MIS18A: variants seen among roughly 807,000 people sequenced by gnomAD.
MIS18A encodes MIS18 kinetochore protein A.
A neutral mutation model predicts 25.0 loss-of-function variants in MIS18A; 14 were observed. That is an observed-to-expected ratio of 0.56 (90% CI 0.37 to 0.88). MIS18A has a LOEUF of 0.88. Ranked by LOEUF, MIS18A falls within the 40% of genes least tolerant of loss-of-function variation. MIS18A has a pLI of 0.00. For missense variants in MIS18A, 292 were observed against 290.8 expected, an observed-to-expected ratio of 1.00 and a Z score of -0.03; for synonymous variants, 134 against 118.6, an observed-to-expected ratio of 1.13 and a Z score of -0.84.
chr21:32,209,023 G>A, the MIS18A span, among the ~76,000 whole-genome samples: 13,946 of 152,226 alleles, frequency 0.092, 756 homozygotes, highest in South Asian at 0.19. Context: ...CAAAGTTCTC[G>A]CAGTAGCTCT....
At chr21:32,191,140 T>G in the MIS18A span, among the ~76,000 whole-genome samples, 1 of 152,230 alleles carries the variant, frequency 6.6e-6, no homozygotes, top group Non-Finnish European at 1.5e-5. Flanking sequence ...ATATAATAAG[T>G]GCTCAACAAA....
At chr21:32,182,179 G>A in the MIS18A span, among the ~76,000 whole-genome samples, 2 of 152,176 alleles carry the variant, frequency 1.3e-5, no homozygotes, top group Non-Finnish European at 2.9e-5. Context: ...ATTGATAGTG[G>A]TTGTCTGCTG....
the MIS18A span, among the ~76,000 whole-genome samples, chr21:32,242,132 A>G: frequency 1.3e-5 from 2 of 152,244 alleles, no homozygotes; most frequent in African/African-American, 2.4e-5. Flanking sequence ...CACCCGCCTC[A>G]GCCTCCCAAA....
At chr21:32,218,813 C>A in the MIS18A span, among the ~76,000 whole-genome samples, 1 of 152,162 alleles carries the variant, frequency 6.6e-6, no homozygotes, top group Non-Finnish European at 1.5e-5. Context: ...TAAATCTTAT[C>A]AGCCACTTTG....
the MIS18A span, among the ~76,000 whole-genome samples, chr21:32,178,633 T>C: frequency 3.3e-5 from 5 of 152,222 alleles, no homozygotes; most frequent in Non-Finnish European, 7.3e-5. Context: ...ATAGGTCATC[T>C]ATCTTTTCTC....
the MIS18A span, among the ~76,000 whole-genome samples, chr21:32,249,988 G>A: frequency 6.6e-6 from 1 of 152,148 alleles, no homozygotes; most frequent in East Asian, 1.9e-4. Context: ...ATTTCACAGA[G>A]GAGAAAACCG....
chr21:32,170,164 T>C, the MIS18A span, among the ~76,000 whole-genome samples: 3 of 152,108 alleles, frequency 2.0e-5, no homozygotes, highest in African/African-American at 7.2e-5. Context: ...TTACTGGGTA[T>C]ATACCCAAAG....
chr21:32,249,753 T>A, the MIS18A span, among the ~76,000 whole-genome samples: 3,124 of 152,138 alleles, frequency 0.021, 114 homozygotes, highest in African/African-American at 0.07. Flanking sequence ...CAACCAGCTC[T>A]CCAGTGAACT....
chr21:32,272,376 G>C (rs2031729801), intron 2 of MIS18A, among the ~76,000 whole-genome samples: 4 of 152,220 alleles, frequency 2.6e-5, no homozygotes, highest in Admixed American at 2.0e-4. Flanking sequence ...AGCAACACGG[G>C]AGTGTGCAGC....
chr21:32,244,686 A>C, the MIS18A span, among the ~76,000 whole-genome samples: 3 of 152,152 alleles, frequency 2.0e-5, no homozygotes, highest in African/African-American at 7.2e-5. Flanking sequence ...GCAGTGAGCT[A>C]TGATTGAGCC....
the MIS18A span, among the ~76,000 whole-genome samples, chr21:32,193,698 A>G: frequency 6.6e-6 from 1 of 151,800 alleles, no homozygotes; most frequent in Admixed American, 6.6e-5. Flanking sequence ...ACTACTGTCA[A>G]CTATAATCTG....
chr21:32,178,215 TC>T, the MIS18A span, among the ~76,000 whole-genome samples: 145 of 152,238 alleles, frequency 9.5e-4, 1 homozygote, highest in Non-Finnish European at 1.5e-3. Context: ...CCACAGCAAC[TC>T]ATTTCCAGCA....
At chr21:32,237,274 C>A in the MIS18A span, among the ~76,000 whole-genome samples, 2 of 152,218 alleles carry the variant, frequency 1.3e-5, no homozygotes, top group Non-Finnish European at 2.9e-5. Context: ...GAGGGTCATG[C>A]AGCATGAGAG....
At chr21:32,184,722 G>A in the MIS18A span, among the ~76,000 whole-genome samples, 340 of 152,100 alleles carry the variant, frequency 2.2e-3, 2 homozygotes, top group African/African-American at 2.5e-3. Flanking sequence ...GCTCATCCCC[G>A]CCCACTACAG....
the MIS18A span, among the ~76,000 whole-genome samples, chr21:32,248,830 C>CCCTCCCCCTT: frequency 6.6e-6 from 1 of 152,158 alleles, no homozygotes; most frequent in Non-Finnish European, 1.5e-5. Flanking sequence ...GAACTTCCTT[C>CCCTCCCCCTT]CCTCCCCCTT....
chr21:32,177,242 T>C, the MIS18A span, among the ~76,000 whole-genome samples: 1 of 152,170 alleles, frequency 6.6e-6, no homozygotes, highest in Non-Finnish European at 1.5e-5. Flanking sequence ...AAGCATCCAA[T>C]AAAATTTCAT....
chr21:32,236,396 AAAAG>A, the MIS18A span, among the ~76,000 whole-genome samples: 1 of 152,170 alleles, frequency 6.6e-6, no homozygotes, highest in South Asian at 2.1e-4. Context: ...AACAACAAAA[AAAAG>A]AGTGTACTTG....
chr21:32,207,231 T>C, the MIS18A span, among the ~76,000 whole-genome samples: 1 of 152,002 alleles, frequency 6.6e-6, no homozygotes, highest in African/African-American at 2.4e-5. Context: ...ATGAGGAAAA[T>C]GGATAAATGC....
the MIS18A span, among the ~76,000 whole-genome samples, chr21:32,261,989 C>T: frequency 1.6e-4 from 24 of 152,200 alleles, no homozygotes; most frequent in Admixed American, 1.3e-4. Flanking sequence ...TATTAACTGA[C>T]GCAATGTCCC....
Sources: gnomAD v4.1 joint callset for allele counts (sites outside exome capture counted in the v4.1 genomes callset) on GRCh38, gnomAD v4.1.1 for gene constraint, MANE v1.5 for transcripts, NCBI Gene and HGNC (gene_info 2026-07-23, HGNC 2026-07-21) for gene names.